Variants in FBXL17 observed in about 807,000 individuals in gnomAD.
The protein encoded by FBXL17 is F-box/LRR-repeat protein 17.
In FBXL17, 22 loss-of-function variants were observed where a neutral mutation model predicts 66.2. The ratio of observed to expected loss-of-function variants is 0.33; its 90% CI spans 0.24 to 0.47. The LOEUF is 0.47. FBXL17 is among the 20% of genes least tolerant of loss of function. The probability of loss-of-function intolerance (pLI) is 1.00; values close to 1 mark genes in which losing one functional copy is unlikely to be tolerated. For missense variants in FBXL17, 878 were observed against 948.2 expected (o/e 0.93, Z 0.97); for synonymous variants, 474 against 400.5 (o/e 1.18, Z -2.19).
intron 7 of FBXL17, among the ~76,000 whole-genome samples, chr5:107,962,233 T>C (rs185872096): frequency 1.3e-5 from 2 of 152,302 alleles, no homozygotes; most frequent in East Asian, 3.9e-4. Flanking sequence ...GTAAACTTTA[T>C]GTTACGTATA....
chr5:108,333,587 T>G (rs1004018304), intron 4 of FBXL17, among the ~76,000 whole-genome samples: 3 of 152,172 alleles, frequency 2.0e-5, no homozygotes, highest in Admixed American at 1.3e-4. Context: ...GTCAAATCTT[T>G]GCTCTTAATG....
At chr5:108,146,548 C>A (rs1466839090) in intron 6 of FBXL17, among the ~76,000 whole-genome samples, 3 of 152,188 alleles carry the variant, frequency 2.0e-5, no homozygotes, top group African/African-American at 4.8e-5. Flanking sequence ...AGAATCAAAT[C>A]TTTCTTTGAG....
intron 7 of FBXL17, among the ~76,000 whole-genome samples, chr5:107,952,504 G>C (rs1367342697): frequency 6.6e-6 from 1 of 152,188 alleles, no homozygotes; most frequent in Non-Finnish European, 1.5e-5. Flanking sequence ...CTTAAAGAAA[G>C]TATTGTTAGG....
intron 6 of FBXL17, among the ~76,000 whole-genome samples, chr5:108,151,331 T>C (rs377240575): frequency 9.2e-5 from 14 of 152,252 alleles, no homozygotes; most frequent in African/African-American, 2.6e-4. Flanking sequence ...ATCAGACTCA[T>C]TGGTTAATAA....
intron 7 of FBXL17, among the ~76,000 whole-genome samples, chr5:107,961,704 T>C (rs1041082408): frequency 1.3e-5 from 2 of 152,178 alleles, no homozygotes; most frequent in Non-Finnish European, 2.9e-5. Context: ...ATAAAATGTA[T>C]GTCCTGATAA....
intron 6 of FBXL17, among the ~76,000 whole-genome samples, chr5:108,080,959 A>C (rs962034519): frequency 6.6e-6 from 1 of 152,200 alleles, no homozygotes; most frequent in Non-Finnish European, 1.5e-5. Context: ...GGAAACCTGG[A>C]AAGGGAAAGG....
intron 7 of FBXL17, among the ~76,000 whole-genome samples, chr5:107,971,745 G>A (rs1257561445): frequency 6.6e-6 from 1 of 152,198 alleles, no homozygotes; most frequent in Admixed American, 6.6e-5. Flanking sequence ...TATATAGCCT[G>A]TTAGGTAGGA....
At chr5:107,879,118 C>A in intron 8 of FBXL17, 1 of 985,470 alleles carries the variant, frequency 1.0e-6, no homozygotes, top group Non-Finnish European at 1.2e-6. Context: ...TAACATTCTC[C>A]TGTAGTAACT....
At chr5:108,201,801 C>A (rs1753905703) in intron 5 of FBXL17, among the ~76,000 whole-genome samples, 1 of 146,298 alleles carries the variant, frequency 6.8e-6, no homozygotes, top group South Asian at 2.1e-4. Flanking sequence ...TAGAGTGACA[C>A]TGATCCTTAA....
At chr5:108,293,715 AAC>A (rs1428174936) in intron 4 of FBXL17, among the ~76,000 whole-genome samples, 2 of 152,108 alleles carry the variant, frequency 1.3e-5, no homozygotes, top group Non-Finnish European at 2.9e-5. Context: ...ATTATTTAAG[AAC>A]ATTATTAATA....
At chr5:108,259,709 A>G (rs1159822742) in intron 4 of FBXL17, among the ~76,000 whole-genome samples, 1 of 152,200 alleles carries the variant, frequency 6.6e-6, no homozygotes, top group Non-Finnish European at 1.5e-5. Flanking sequence ...AGCAAAACGA[A>G]AAGCAAAAGG....
At chr5:108,036,004 G>A (rs529965096) in intron 6 of FBXL17, among the ~76,000 whole-genome samples, 3 of 152,284 alleles carry the variant, frequency 2.0e-5, no homozygotes, top group East Asian at 3.9e-4. Flanking sequence ...TGCTGCTCTC[G>A]TCATGCTGAT....
intron 7 of FBXL17, among the ~76,000 whole-genome samples, chr5:107,914,837 G>A (rs1750074415): frequency 6.6e-6 from 1 of 152,180 alleles, no homozygotes; most frequent in East Asian, 1.9e-4. Context: ...TGAAGCCTGA[G>A]AACTGTGAAC....
At chr5:107,956,422 C>T (rs937468587) in intron 7 of FBXL17, among the ~76,000 whole-genome samples, 8 of 152,142 alleles carry the variant, frequency 5.3e-5, no homozygotes, top group African/African-American at 1.9e-4. Context: ...GTGCTGGTAA[C>T]ATGGAGCTTG....
chr5:108,022,554 CA>C (rs1051751268), intron 6 of FBXL17, among the ~76,000 whole-genome samples: 1 of 151,848 alleles, frequency 6.6e-6, no homozygotes, highest in African/African-American at 2.4e-5. Context: ...CATTGCCTAC[CA>C]AAAAAACTAA....
intron 1 of FBXL17, among the ~76,000 whole-genome samples, chr5:108,374,870 C>A (rs1256658575): frequency 1.3e-5 from 2 of 151,940 alleles, no homozygotes; most frequent in African/African-American, 4.8e-5. Context: ...CTATGGGATA[C>A]AGAAACAAGT....
At chr5:108,280,441 A>G (rs1757656782) in intron 4 of FBXL17, among the ~76,000 whole-genome samples, 1 of 152,138 alleles carries the variant, frequency 6.6e-6, no homozygotes. Context: ...TGGTTTTACA[A>G]GAAATGCTCA....
At chr5:107,880,948 G>A (rs772820336) in intron 8 of FBXL17, 89 bp downstream of exon 8, 16 of 1,606,978 alleles carry the variant, frequency 1.0e-5, no homozygotes, top group Non-Finnish European at 1.3e-5. Context: ...ATACACGGGG[G>A]TGGAGATAGA....
rs894048444 is a variant in FBXL17 at position 108,041,751 on chromosome 5, C to T, written c.1746-20750G>A. ...TTAAATAACCCCAAATTCTCAAATT[C>T]CATTTTCTTCCTTTTATTGTGAAAA... On this transcript the variant is annotated intron_variant, in intron 6 of 8. Transcript: ENST00000542267. 2.0e-5 allele frequency among the ~76,000 whole-genome samples: 3 copies of T among 152,038 alleles called. No individual in the cohort carries two copies. In the South Asian group the frequency reaches 6.2e-4, roughly 32 times the overall value.
Sources: allele counts gnomAD v4.1 joint callset (sites outside exome capture counted in the v4.1 genomes callset), GRCh38; gene constraint gnomAD v4.1.1; transcripts MANE v1.5; gene names NCBI Gene and HGNC (gene_info 2026-07-23, HGNC 2026-07-21).